HCRTR2: variants seen among roughly 807,000 people sequenced by gnomAD.
The protein encoded by HCRTR2 is hypocretin receptor 2, also known as orexin receptor type 2.
Under a neutral mutation model 49.0 loss-of-function variants are expected in HCRTR2, and 22 were observed. The observed-to-expected ratio is 0.45, with a 90% CI of 0.32 to 0.64. The LOEUF (loss-of-function observed/expected upper bound fraction) is 0.64. Among genes scored for constraint, HCRTR2 ranks in the 30% least tolerant of loss-of-function variants. The pLI is 0.04. For synonymous variants in HCRTR2, 236 were observed against 205.3 expected (o/e 1.15, Z -1.28); for missense variants, 491 against 559.4 (o/e 0.88, Z 1.23).
At chr6:55,153,173 A>G (rs1764685632) in intron 1 of HCRTR2, among the ~76,000 whole-genome samples, 1 of 152,104 alleles carries the variant, frequency 6.6e-6, no homozygotes, top group Admixed American at 6.6e-5. Flanking sequence ...CTGTAAATTC[A>G]TGGGTTTATG....
intron 1 of HCRTR2, among the ~76,000 whole-genome samples, chr6:55,190,309 GC>G (rs1245482761): frequency 1.3e-5 from 2 of 152,158 alleles, no homozygotes; most frequent in Admixed American, 6.5e-5. Flanking sequence ...ATGACGGATT[GC>G]CTTATGGGTA....
At chr6:55,233,385 A>G (rs1184952714) in intron 1 of HCRTR2, among the ~76,000 whole-genome samples, 12 of 151,478 alleles carry the variant, frequency 7.9e-5, no homozygotes, top group Non-Finnish European at 1.5e-4. Context: ...GCCACCACGC[A>G]TGGCCAAAGC....
rs113155886 is a variant in HCRTR2, at chr6:55,236,389, G to A, written c.224-12250G>A. Among the ~76,000 whole-genome samples the A allele has an allele frequency of 1.5e-3, 222 of 151,898 alleles. 1 individual carries two copies. In the Middle Eastern group the frequency reaches 0.017, roughly 12 times the overall value. On this transcript the variant is annotated intron_variant, in intron 1 of 6. Coordinates refer to ENST00000370862, the MANE Select transcript of HCRTR2 (RefSeq NM_001384272.1). ...TATGTTACATATTGTTTTATATTCA[G>A]CAAGTGTTACTAAGGTATTTATTAA... is the stretch of plus-strand genomic sequence containing the variant.
downstream of HCRTR2, among the ~76,000 whole-genome samples, chr6:55,282,839 A>T (rs191622950): frequency 3.9e-5 from 6 of 152,262 alleles, no homozygotes; most frequent in Admixed American, 3.9e-4. Flanking sequence ...TACTAAAAGA[A>T]GTAGCAATTA....
At chr6:55,124,688 C>T (rs911775270) in intron 1 of HCRTR2, among the ~76,000 whole-genome samples, 1 of 152,098 alleles carries the variant, frequency 6.6e-6, no homozygotes, top group Admixed American at 6.6e-5. Context: ...TCTCATTGAT[C>T]TGTTTAATAT....
intron 1 of HCRTR2, among the ~76,000 whole-genome samples, chr6:55,144,089 C>T (rs1764545255): frequency 6.9e-6 from 1 of 145,740 alleles, no homozygotes; most frequent in Non-Finnish European, 1.5e-5. Flanking sequence ...GCCATTCTTT[C>T]CCGTCCTGCC....
At chr6:55,121,249 G>A (rs1764195160) in intron 1 of HCRTR2, among the ~76,000 whole-genome samples, 1 of 152,074 alleles carries the variant, frequency 6.6e-6, no homozygotes, top group Admixed American at 6.6e-5. Flanking sequence ...GTGAATGGGA[G>A]TTCACTCATG....
At chr6:55,230,775 A>C (rs1336193718) in intron 1 of HCRTR2, among the ~76,000 whole-genome samples, 1 of 152,206 alleles carries the variant, frequency 6.6e-6, no homozygotes, top group Non-Finnish European at 1.5e-5. Flanking sequence ...TTAATGAATA[A>C]AAATTGAGGC....
intron 1 of HCRTR2, among the ~76,000 whole-genome samples, chr6:55,207,756 G>A (rs1765626662): frequency 6.6e-6 from 1 of 152,114 alleles, no homozygotes; most frequent in South Asian, 2.1e-4. Flanking sequence ...GGTCAGTCAA[G>A]GTGACTGATA....
chr6:55,158,000 T>C (rs575034296), intron 1 of HCRTR2, among the ~76,000 whole-genome samples: 30 of 152,236 alleles, frequency 2.0e-4, no homozygotes, highest in Admixed American at 1.6e-3. Context: ...TTTAAGACCA[T>C]CCAGGAGGTG....
chr6:55,162,529 G>T (rs568900588), intron 1 of HCRTR2, among the ~76,000 whole-genome samples: 2 of 152,256 alleles, frequency 1.3e-5, no homozygotes, highest in South Asian at 4.1e-4. Flanking sequence ...ATTCAAATAG[G>T]AAGAGAAGAA....
chr6:55,283,369 G>C (rs1163546122), downstream of HCRTR2, among the ~76,000 whole-genome samples: 1 of 152,158 alleles, frequency 6.6e-6, no homozygotes, highest in Non-Finnish European at 1.5e-5. Flanking sequence ...TCATGGCAGA[G>C]CAGTGAAGCT....
At chr6:55,275,402 C>A (rs908787331) in intron 4 of HCRTR2, among the ~76,000 whole-genome samples, 3 of 152,020 alleles carry the variant, frequency 2.0e-5, no homozygotes, top group African/African-American at 7.2e-5. Context: ...TCAGTAATGT[C>A]AGTTATTCCT....
chr6:55,258,357 G>T (rs72982038), intron 3 of HCRTR2, among the ~76,000 whole-genome samples: 7,111 of 152,130 alleles, frequency 0.047, 241 homozygotes, highest in Non-Finnish European at 0.068. Flanking sequence ...AAAGCAATTT[G>T]GTCAGTTGAT....
At position 55,255,388 on chromosome 6, in the gene HCRTR2, C is replaced by CT; in HGVS notation, c.646+11dup. The CT allele has an allele frequency of 6.2e-7, 1 of 1,613,790 alleles. No homozygotes were observed. Among genetic ancestry groups the CT allele is most frequent in the Non-Finnish European group, 8.5e-7 (1 of 1,179,840 alleles). Reference sequence around the variant, plus strand: ...TGATGAGCGCTGGGGTGGTAAGTACCTTATGGCCCATCAACTGACATTTAT... The same window carrying CT: ...TGATGAGCGCTGGGGTGGTAAGTACCTTTATGGCCCATCAACTGACATTTAT... On this transcript the variant is annotated intron_variant, in intron 3 of 6. Coordinates refer to ENST00000370862, the MANE Select transcript of HCRTR2 (RefSeq NM_001384272.1).
chr6:55,193,473 C>T (rs1465216741), intron 1 of HCRTR2, among the ~76,000 whole-genome samples: 1 of 151,786 alleles, frequency 6.6e-6, no homozygotes, highest in Non-Finnish European at 1.5e-5. Context: ...TTTTTATTAT[C>T]CACAGAACGA....
intron 1 of HCRTR2, among the ~76,000 whole-genome samples, chr6:55,227,245 T>C (rs1302346533): frequency 6.6e-6 from 1 of 152,174 alleles, no homozygotes; most frequent in Admixed American, 6.5e-5. Flanking sequence ...TATGTATTGA[T>C]TGAGAATTAG....
chr6:55,263,650 T>C (rs1766809395), intron 3 of HCRTR2, 57 bp from the exon 4 acceptor site: 1 of 897,076 alleles, frequency 1.1e-6, no homozygotes, highest in South Asian at 1.4e-5. Context: ...ACATGTATCT[T>C]TTTTAAAAGT....
At chr6:55,130,349 C>A (rs1367332646) in intron 1 of HCRTR2, among the ~76,000 whole-genome samples, 4 of 151,646 alleles carry the variant, frequency 2.6e-5, no homozygotes, top group African/African-American at 9.7e-5. Context: ...GTAACTTTTA[C>A]CAGTTGGAGA....
Sources: allele counts gnomAD v4.1 joint callset (sites outside exome capture counted in the v4.1 genomes callset), GRCh38; gene constraint gnomAD v4.1.1; transcripts MANE v1.5; gene names NCBI Gene and HGNC (gene_info 2026-07-23, HGNC 2026-07-21).